Variants in CUX1 observed in about 807,000 individuals in gnomAD.
The protein encoded by CUX1 is protein CASP.
Under a neutral mutation model 158.8 loss-of-function variants are expected in CUX1, and 31 were observed. The ratio of observed to expected loss-of-function variants is 0.20; its 90% confidence interval spans 0.15 to 0.26. The LOEUF (loss-of-function observed/expected upper bound fraction) is 0.26. CUX1 is among the 10% of genes least tolerant of loss of function. The pLI, the probability that CUX1 is intolerant of heterozygous loss-of-function variation, is 1.00. For synonymous variants in CUX1, 879 were observed against 862.1 expected (o/e 1.02, Z -0.34); for missense variants, 1,589 against 2,014.6 (o/e 0.79, Z 4.04).
chr7:101,821,320 G>A (rs1235147501), intron 1 of CUX1, among the ~76,000 whole-genome samples: 2 of 151,504 alleles, frequency 1.3e-5, no homozygotes, highest in Non-Finnish European at 2.9e-5. Context: ...GTATTAACTT[G>A]GTGAGGGGGA....
At chr7:102,011,892 G>A (rs377355061) in intron 2 of CUX1, among the ~76,000 whole-genome samples, 9 of 150,374 alleles carry the variant, frequency 6.0e-5, no homozygotes, top group African/African-American at 2.2e-4. Context: ...TGGTGTGATC[G>A]CTGGTCCCTG....
At chr7:101,837,814 G>A (rs1281576818) in intron 1 of CUX1, among the ~76,000 whole-genome samples, 2 of 93,720 alleles carry the variant, frequency 2.1e-5, no homozygotes, top group African/African-American at 8.8e-5. Context: ...CTGGGTGACA[G>A]AACGAGACCC....
intron 11 of CUX1, among the ~76,000 whole-genome samples, chr7:102,181,019 G>T (rs552318931): frequency 6.6e-6 from 1 of 151,414 alleles, no homozygotes; most frequent in South Asian, 2.1e-4. Flanking sequence ...TCCACTCACT[G>T]CAACCTCTGC....
At chr7:102,162,291 TC>T (rs1790524281) in intron 9 of CUX1, among the ~76,000 whole-genome samples, 1 of 152,094 alleles carries the variant, frequency 6.6e-6, no homozygotes, top group Admixed American at 6.5e-5. Context: ...TGTTTTTGCT[TC>T]TGAGACAGTC....
chr7:101,840,450 T>C (rs1795099142), intron 1 of CUX1, among the ~76,000 whole-genome samples: 1 of 152,234 alleles, frequency 6.6e-6, no homozygotes, highest in Non-Finnish European at 1.5e-5. Context: ...AAATAGGCGT[T>C]ATCCTCTTGC....
At chr7:102,100,135 A>G (rs1178798168) in intron 5 of CUX1, among the ~76,000 whole-genome samples, 1 of 152,068 alleles carries the variant, frequency 6.6e-6, no homozygotes, top group Non-Finnish European at 1.5e-5. Context: ...CAAAAATTAC[A>G]GGCATGGTTG....
At chr7:101,818,638 T>A (rs1283407452) in intron 1 of CUX1, among the ~76,000 whole-genome samples, 1 of 152,220 alleles carries the variant, frequency 6.6e-6, no homozygotes. Flanking sequence ...TGAACTTCAT[T>A]CCTCTTTACT....
intron 4 of CUX1, among the ~76,000 whole-genome samples, chr7:102,085,124 A>G (rs1554479965): frequency 1.3e-5 from 2 of 152,148 alleles, no homozygotes; most frequent in African/African-American, 4.8e-5. Flanking sequence ...CGAGATGATC[A>G]TATGATTTTC....
At chr7:102,239,049 G>A (rs528564958) in intron 22 of CUX1, among the ~76,000 whole-genome samples, 1 of 152,304 alleles carries the variant, frequency 6.6e-6, no homozygotes, top group African/African-American at 2.4e-5. Flanking sequence ...ACCACGCCCA[G>A]CTGATTTTTG....
At chr7:102,182,560 T>G (rs1793210155) in intron 11 of CUX1, among the ~76,000 whole-genome samples, 1 of 152,182 alleles carries the variant, frequency 6.6e-6, no homozygotes, top group Non-Finnish European at 1.5e-5. Flanking sequence ...TATCCACGTG[T>G]GTCATGGGAC....
intron 1 of CUX1, among the ~76,000 whole-genome samples, chr7:101,850,570 G>A (rs2131263327): frequency 6.6e-6 from 1 of 151,670 alleles, no homozygotes; most frequent in South Asian, 2.1e-4. Context: ...TTGTAGAGAT[G>A]GCATCTCACC....
chr7:102,178,366 A>G lies in CUX1; in HGVS notation c.829-103A>G, dbSNP rs147490497. The G allele has an allele frequency of 8.3e-5, 95 of 1,138,352 alleles. No individual in the cohort carries two copies. In the African/African-American group the frequency reaches 1.3e-3, roughly 15 times the overall value. 70.5% of individuals were successfully genotyped at this position (1,138,352 alleles called of 1,614,324 possible). The stretch of plus-strand genomic sequence containing the variant: ...GTGACATCCTGCCATCACCATCCAC[A>G]CACTGACATCTGTGCAGCTTCTGTC... On this transcript the variant is annotated intron_variant, in intron 10 of 23. Transcript: ENST00000292535.
chr7:102,155,252 T>C (rs182583212), intron 8 of CUX1, among the ~76,000 whole-genome samples: 2 of 152,060 alleles, frequency 1.3e-5, no homozygotes, highest in Admixed American at 1.3e-4. Flanking sequence ...TGTTTAAAAC[T>C]TGTGATTTGG....
chr7:102,119,184 G>C (rs1273867074), intron 8 of CUX1, among the ~76,000 whole-genome samples: 1 of 152,214 alleles, frequency 6.6e-6, no homozygotes, highest in Non-Finnish European at 1.5e-5. Context: ...ATGCGTTTCT[G>C]AAATTAACGG....
Position 102,196,883 on chromosome 7 carries a change from CCTT to C in CUX1, c.1475_1477del (p.Phe492del), listed in dbSNP as rs1554518508. On this transcript the variant is annotated inframe_deletion, in exon 15 of 24. Coordinates refer to ENST00000292535, the MANE Select transcript of CUX1 (RefSeq NM_181552.4). ...CTTCTCCAGCGGCAGCTAATGCAGT[CCTT>C]CTACTCCAAGGCTATGCAGGAAGCC... The C allele has an allele frequency of 6.2e-7, 1 of 1,614,152 alleles. No homozygotes were observed. The highest frequency in any genetic ancestry group is 8.5e-7 in the Non-Finnish European group (1 of 1,180,036).
In CUX1 at chr7:102,227,536, C is replaced by G. The variant is rs1554529041; in HGVS notation, c.3300C>G (p.Ser1100=). ...PEPSDPPASD[S]QPTTPLPLSG... The stretch of plus-strand genomic sequence containing the variant: ...CCAGTGACCCGCCAGCATCCGACTC[C>G]CAGCCCACAACCCCGCTGCCTCTCT... Residue 1100 remains serine, a synonymous_variant, in exon 21 of 24, where the codon TCC becomes TCG. Coordinates refer to ENST00000292535, the MANE Select transcript of CUX1 (RefSeq NM_181552.4). The G allele has an allele frequency of 3.7e-6, 6 of 1,614,148 alleles. No homozygotes were observed. Among genetic ancestry groups the G allele is most frequent in the Non-Finnish European group, 5.1e-6 (6 of 1,180,040 alleles).
intron 8 of CUX1, among the ~76,000 whole-genome samples, chr7:102,121,418 T>C (rs1832034320): frequency 6.6e-6 from 1 of 151,678 alleles, no homozygotes; most frequent in Admixed American, 6.6e-5. Flanking sequence ...CGATCTTGGC[T>C]CACGGCATCC....
Position 102,111,744 on chromosome 7 carries a change from G to A in CUX1, c.577G>A (p.Ala193Thr), listed in dbSNP as rs782419510. 1.2e-5 allele frequency: 20 copies of A among 1,614,084 alleles called. No individual in the cohort carries two copies. Among genetic ancestry groups the A allele is most frequent in the Admixed American group, 1.7e-5 (1 of 60,004 alleles). Reference protein sequence around the residue: ...QMSTTSKLEEAEHKVQSLQTA... With the variant: ...QMSTTSKLEETEHKVQSLQTA... ...GTCCACCACCTCAAAGCTGGAGGAA[G>A]CTGAGCATAAGGTTCAGAGCCTACA... The change falls in exon 7 of 24, where the codon GCT becomes ACT. Residue 193 changes from alanine (A) to threonine (T), a missense_variant. This residue lies in a region of CUX1 where 515 missense variants were observed against 574.4 expected (regional missense o/e 0.90). Coordinates refer to ENST00000292535, the MANE Select transcript of CUX1 (RefSeq NM_181552.4).
intron 13 of CUX1, among the ~76,000 whole-genome samples, chr7:102,194,572 C>T (rs1459222241): frequency 6.6e-6 from 1 of 151,992 alleles, no homozygotes; most frequent in Non-Finnish European, 1.5e-5. Context: ...TGCACTCCAG[C>T]CTGGACAACA....
Sources: gnomAD v4.1 joint callset for allele counts (sites outside exome capture counted in the v4.1 genomes callset) on GRCh38, gnomAD v4.1.1 for gene constraint, gnomAD v4.1.1 regional missense constraint, MANE v1.5 for transcripts, NCBI Gene and HGNC (gene_info 2026-07-23, HGNC 2026-07-21) for gene names.